Variants in RAD18 observed in about 807,000 individuals in gnomAD.
RAD18 encodes the protein E3 ubiquitin-protein ligase RAD18.
In RAD18, 47 loss-of-function variants were observed where a neutral mutation model predicts 60.4. That is an observed-to-expected ratio of 0.78 (90% confidence interval 0.62 to 0.99). The LOEUF is 0.99. Ranked by LOEUF, RAD18 falls within the 50% of genes least tolerant of loss-of-function variation. RAD18 has a pLI of 0.00. For synonymous variants in RAD18, 225 were observed against 195.5 expected (o/e 1.15, Z -1.26); for missense variants, 640 against 593.3 (o/e 1.08, Z -0.82).
At chr3:8,945,831 G>GA (rs1362522772) in intron 4 of RAD18, among the ~76,000 whole-genome samples, 1 of 152,024 alleles carries the variant, frequency 6.6e-6, no homozygotes, top group Non-Finnish European at 1.5e-5. Context: ...TTTAAAAACA[G>GA]AAAAAACCTC....
chr3:8,902,323 T>C, intron 10 of RAD18, 57 bp downstream of exon 10: 2 of 1,377,938 alleles, frequency 1.5e-6, no homozygotes, highest in Non-Finnish European at 1.9e-6. Context: ...AATTTTTTCA[T>C]ATTAAAAGTA....
At chr3:8,931,158 C>T (rs1249951978) in intron 7 of RAD18, among the ~76,000 whole-genome samples, 1 of 152,054 alleles carries the variant, frequency 6.6e-6, no homozygotes, top group Non-Finnish European at 1.5e-5. Context: ...AAATGAGTTT[C>T]ACTAGTTAAT....
chr3:8,937,415 A>G (rs1337055728), intron 6 of RAD18, among the ~76,000 whole-genome samples: 3 of 152,142 alleles, frequency 2.0e-5, no homozygotes, highest in Non-Finnish European at 4.4e-5. Context: ...AAACACGAAA[A>G]TGACATTGAT....
rs1939394689 is a variant in RAD18, at chr3:8,878,071, C to G, written c.*3286G>C. 1 of 152,302 alleles carries G rather than the reference C, an allele frequency of 6.6e-6. No homozygotes were observed. Among genetic ancestry groups the G allele is most frequent in the Admixed American group, 6.5e-5 (1 of 15,284 alleles). The allele number at this position is 152,302 out of a possible 1,614,324, so 9.4% of individuals were successfully genotyped here. A position where few individuals can be genotyped will look rare whatever the true frequency, so the allele number is the denominator to read the frequency against. ...GGATGGCGTCCTAGGCAAGGTAGGA[C>G]TTTCCAGCAGGGCCAGCCGCAGTGC... On this transcript the variant is annotated 3_prime_UTR_variant, in exon 13 of 13. Coordinates refer to ENST00000264926, the MANE Select transcript of RAD18 (RefSeq NM_020165.4).
Position 8,881,216 on chromosome 3 carries a change from A to G in RAD18, c.*141T>C, listed in dbSNP as rs1939456094. On this transcript the variant is annotated 3_prime_UTR_variant, in exon 13 of 13. Transcript: ENST00000264926. ...TAACATTTTTCCCCTCTGGAAAAGC[A>G]GAAAAGAATGAATATCAGCTAACCG... 2 of 704,106 alleles carry G rather than the reference A, an allele frequency of 2.8e-6. No homozygotes were observed. Among genetic ancestry groups the G allele is most frequent in the African/African-American group, 1.8e-5 (1 of 54,606 alleles). 43.6% of individuals were successfully genotyped at this position (704,106 alleles called of 1,614,324 possible). A position where few individuals can be genotyped will look rare whatever the true frequency, so the allele number is the denominator to read the frequency against.
intron 7 of RAD18, among the ~76,000 whole-genome samples, chr3:8,934,606 A>G (rs894331878): frequency 2.6e-5 from 4 of 152,254 alleles, no homozygotes; most frequent in Admixed American, 2.6e-4. Flanking sequence ...GGTGCAGAAC[A>G]ACTGACACCC....
chr3:8,932,657 AT>A (rs1324704176), intron 7 of RAD18, among the ~76,000 whole-genome samples: 1 of 152,212 alleles, frequency 6.6e-6, no homozygotes, highest in East Asian at 1.9e-4. Flanking sequence ...ATGAAAACAT[AT>A]GGTTACATAA....
chr3:8,939,195 T>C (rs768490762), intron 6 of RAD18, among the ~76,000 whole-genome samples: 1 of 152,132 alleles, frequency 6.6e-6, no homozygotes, highest in Admixed American at 6.6e-5. Context: ...GTTTTTTATA[T>C]CTTATATTCA....
chr3:8,941,710 C>A lies in RAD18; in HGVS notation c.361G>T (p.Ala121Ser), dbSNP rs774181458. The A allele has an allele frequency of 3.1e-6, 5 of 1,614,106 alleles. No individual in the cohort carries two copies. Among genetic ancestry groups the A allele is most frequent in the East Asian group, 2.2e-5 (1 of 44,886 alleles). The change falls in exon 5 of 13, where the codon GCC becomes TCC. Residue 121 changes from alanine to serine, a missense_variant. Transcript: ENST00000264926. The stretch of plus-strand genomic sequence containing the variant: ...CCCTGCTTTAAAGACTGTCTGGAGG[C>A]TACAGGAGTATATACTTTGACAGCA... The part of the protein sequence containing the change: ...NLAVKVYTPV[A>S]SRQSLKQGSR...
chr3:8,942,339 T>A (rs1268772837), intron 4 of RAD18, among the ~76,000 whole-genome samples: 3 of 152,194 alleles, frequency 2.0e-5, no homozygotes, highest in Admixed American at 6.5e-5. Context: ...CATGACATGC[T>A]GCCCGTCTTT....
At chr3:8,924,514 G>C (rs1372454540) in intron 7 of RAD18, among the ~76,000 whole-genome samples, 5 of 140,958 alleles carry the variant, frequency 3.5e-5, no homozygotes, top group African/African-American at 1.3e-4. Context: ...GAGACAGAAA[G>C]TTAACAAGGA....
chr3:8,918,941 C>G (rs1455626487), intron 7 of RAD18, among the ~76,000 whole-genome samples: 1 of 152,216 alleles, frequency 6.6e-6, no homozygotes, highest in Non-Finnish European at 1.5e-5. Context: ...CCAATGATGG[C>G]AGCTGACAAC....
chr3:8,930,644 T>C (rs1046799179), intron 7 of RAD18, among the ~76,000 whole-genome samples: 2 of 152,172 alleles, frequency 1.3e-5, no homozygotes, highest in Non-Finnish European at 2.9e-5. Context: ...ATAATCTCAA[T>C]AGATGTAGAA....
chr3:8,907,333 A>C (rs1473331022), intron 9 of RAD18, among the ~76,000 whole-genome samples: 1 of 152,228 alleles, frequency 6.6e-6, no homozygotes, highest in Non-Finnish European at 1.5e-5. Context: ...CCATGGCTGG[A>C]AACAGACACC....
intron 7 of RAD18, among the ~76,000 whole-genome samples, chr3:8,930,645 A>G (rs1940537758): frequency 6.6e-6 from 1 of 152,224 alleles, no homozygotes; most frequent in Non-Finnish European, 1.5e-5. Flanking sequence ...TAATCTCAAT[A>G]GATGTAGAAT....
intron 4 of RAD18, 83 bp from the exon 5 acceptor site, chr3:8,941,887 T>G: frequency 3.9e-6 from 5 of 1,290,892 alleles, no homozygotes; most frequent in Non-Finnish European, 5.4e-6. Context: ...TTTTCCCAAT[T>G]AACCTTGTTT....
At chr3:8,920,336 T>C (rs1575546622) in intron 7 of RAD18, among the ~76,000 whole-genome samples, 1 of 151,882 alleles carries the variant, frequency 6.6e-6, no homozygotes, top group East Asian at 1.9e-4. Flanking sequence ...GGAAGGGCTC[T>C]TGTTTTCAGA....
intron 2 of RAD18, among the ~76,000 whole-genome samples, chr3:8,951,272 G>A (rs1940921243): frequency 6.6e-6 from 1 of 152,112 alleles, no homozygotes; most frequent in South Asian, 2.1e-4. Context: ...TGTAGTGGGG[G>A]CCTTACCTAC....
intron 4 of RAD18, among the ~76,000 whole-genome samples, chr3:8,944,024 G>A (rs904776104): frequency 1.3e-5 from 2 of 151,936 alleles, no homozygotes; most frequent in Admixed American, 6.6e-5. Context: ...TTGGTTCTTT[G>A]AAAAAATTAA....
Sources: gnomAD v4.1 joint callset for allele counts (sites outside exome capture counted in the v4.1 genomes callset) on GRCh38, gnomAD v4.1.1 for gene constraint, MANE v1.5 for transcripts, NCBI Gene and HGNC (gene_info 2026-07-23, HGNC 2026-07-21) for gene names.